OPHN1: variants seen among roughly 807,000 people sequenced by gnomAD.
OPHN1 encodes the protein oligophrenin 1, also known as oligophrenin-1.
Under a neutral mutation model 60.7 loss-of-function variants are expected in OPHN1, and 11 were observed. That is an observed-to-expected ratio of 0.18 (90% CI 0.11 to 0.30). The LOEUF (loss-of-function observed/expected upper bound fraction) is 0.30, where lower values mean the gene tolerates loss of function less well. Ranked by LOEUF, OPHN1 falls within the 10% of genes least tolerant of loss-of-function variation. OPHN1 has a pLI of 1.00. For synonymous variants in OPHN1, 226 were observed against 222.6 expected (o/e 1.02, Z -0.14); for missense variants, 449 against 611.0 (o/e 0.73, Z 2.80).
intron 2 of OPHN1, among the ~76,000 whole-genome samples, chrX:68,353,979 C>T (rs1404907352): frequency 1.8e-5 from 2 of 111,851 alleles, no homozygotes; most frequent in Non-Finnish European, 3.8e-5. Flanking sequence ...ATGCTGAAAT[C>T]GAAAAAGTTA....
intron 15 of OPHN1, among the ~76,000 whole-genome samples, chrX:68,167,522 T>C (rs2077364219): frequency 1.8e-5 from 2 of 110,257 alleles, no homozygotes; most frequent in Non-Finnish European, 3.8e-5. Flanking sequence ...TATATGTGTG[T>C]GTGTGTGTGT....
intron 19 of OPHN1, among the ~76,000 whole-genome samples, chrX:68,081,028 C>T (rs2076972345): frequency 9.0e-6 from 1 of 111,117 alleles, no homozygotes; most frequent in Admixed American, 9.6e-5. Flanking sequence ...GTTCCAGATA[C>T]CCCCAAGTCC....
intron 20 of OPHN1, 111 bp downstream of exon 20, chrX:68,073,041 A>G (rs2076940421): frequency 3.3e-6 from 3 of 899,451 alleles, no homozygotes; most frequent in Non-Finnish European, 3.2e-6. Context: ...AGGAGCCAGG[A>G]AAGGTCTACT....
chrX:68,065,192 A>C (rs1365587601), intron 20 of OPHN1, among the ~76,000 whole-genome samples: 1 of 111,556 alleles, frequency 9.0e-6, no homozygotes, highest in Non-Finnish European at 1.9e-5. Flanking sequence ...GAAACCTGAG[A>C]TATATATCAA....
chrX:68,129,495 C>T (rs1175635362), intron 15 of OPHN1, among the ~76,000 whole-genome samples: 1 of 111,871 alleles, frequency 8.9e-6, no homozygotes, highest in Non-Finnish European at 1.9e-5. Context: ...TGTGGAATTA[C>T]TGTCTAAATA....
At position 68,099,978 on chromosome X, in the gene OPHN1, T is replaced by C. The variant is rs376665883; in HGVS notation, c.1527-2949A>G. 5.4e-5 allele frequency among the ~76,000 whole-genome samples: 6 copies of C among 111,555 alleles called. No homozygotes were observed. In the East Asian group the frequency reaches 1.1e-3, roughly 21 times the overall value. On this transcript the variant is annotated intron_variant, in intron 18 of 24. Transcript: ENST00000355520. ...TAAGAACTGTGTGCCCTCTGACTCC[T>C]AAACAAGGAAGCTACCTTCAATATT...
At chrX:68,286,052 C>T (rs2078039774) in intron 3 of OPHN1, among the ~76,000 whole-genome samples, 1 of 110,814 alleles carries the variant, frequency 9.0e-6, no homozygotes, top group Non-Finnish European at 1.9e-5. Context: ...CTATTAATTG[C>T]TTTTTTTCCC....
At position 68,047,010 on chromosome X, in the gene OPHN1, C is replaced by G. The variant is rs982694027; in HGVS notation, c.*162G>C. On this transcript the variant is annotated 3_prime_UTR_variant, in exon 25 of 25. Transcript: ENST00000355520. The stretch of plus-strand genomic sequence containing the variant: ...TATAAACACCTGTCTAGGACATATG[C>G]TCCTTATTTTATGGCCTCCCAGAGA... 9.0e-6 allele frequency: 1 copy of G among 111,642 alleles called. No homozygotes were observed. Among genetic ancestry groups the G allele is most frequent in the African/African-American group, 3.3e-5 (1 of 30,669 alleles). The allele number at this position is 111,642 out of a possible 1,213,427, so 9.2% of individuals were successfully genotyped here.
intron 4 of OPHN1, among the ~76,000 whole-genome samples, chrX:68,282,456 T>C (rs1232041494): frequency 1.8e-5 from 2 of 111,881 alleles, no homozygotes; most frequent in African/African-American, 3.2e-5. Context: ...CTATTCTGTA[T>C]GGTGACACTG....
At chrX:68,083,496 G>C (rs1299753808) in intron 19 of OPHN1, among the ~76,000 whole-genome samples, 1 of 112,130 alleles carries the variant, frequency 8.9e-6, no homozygotes, top group Non-Finnish European at 1.9e-5. Context: ...TGGCTGGTTT[G>C]ATTTTCTATC....
intron 4 of OPHN1, among the ~76,000 whole-genome samples, chrX:68,280,528 C>T (rs2078014740): frequency 9.0e-6 from 1 of 111,382 alleles, no homozygotes; most frequent in African/African-American, 3.3e-5. Flanking sequence ...AAGTCAGTAC[C>T]ACACTGTTGA....
At position 68,393,885 on chromosome X, in the gene OPHN1, G is replaced by GCTTTTT. The variant is rs2078666953; in HGVS notation, c.154+38981_154+38982insAAAAAG. Among the ~76,000 whole-genome samples the GCTTTTT allele has an allele frequency of 1.2e-4, 4 of 34,600 alleles. No individual in the cohort carries two copies. The East Asian group carries it at 4.8e-3, about 41-fold the overall frequency. 30.0% of individuals were successfully genotyped at this position (34,600 alleles called of 115,157 possible). A position where few individuals can be genotyped will look rare whatever the true frequency, so the allele number is the denominator to read the frequency against. ...CTATCAAGGTGATCCAATAGACTTTGTTTTTTTTTTTTTTTTTTTTTTTTT... is the reference window on the plus strand; with the variant it reads ...CTATCAAGGTGATCCAATAGACTTTGCTTTTTTTTTTTTTTTTTTTTTTTTTTTTTT... On this transcript the variant is annotated intron_variant, in intron 2 of 24. Transcript: ENST00000355520.
intron 2 of OPHN1, among the ~76,000 whole-genome samples, chrX:68,335,082 C>T (rs180843631): frequency 9.8e-4 from 107 of 109,300 alleles, no homozygotes; most frequent in Middle Eastern, 9.2e-3. Context: ...CTACATGCTT[C>T]GCAGTTTACA....
rs61099307 is a variant in OPHN1 at position 68,159,997 on chromosome X, TA to T, written c.1276+32921del. On this transcript the variant is annotated intron_variant, in intron 15 of 24. Transcript: ENST00000355520. ...GGCACATATTTTCAGACTGGAAAAT[TA>T]AAAAAAAAAACAAGATCCAGTTGTA... 2.6e-3 allele frequency among the ~76,000 whole-genome samples: 264 copies of T among 101,767 alleles called. 1 individual carries two copies. Among genetic ancestry groups the T allele is most frequent in the African/African-American group, 7.5e-3 (211 of 28,187 alleles). The allele number at this position is 101,767 out of a possible 115,157, so 88.4% of individuals were successfully genotyped here. A position where few individuals can be genotyped will look rare whatever the true frequency, so the allele number is the denominator to read the frequency against.
intron 2 of OPHN1, among the ~76,000 whole-genome samples, chrX:68,341,596 G>A (rs1367658537): frequency 1.8e-5 from 2 of 111,908 alleles, no homozygotes; most frequent in African/African-American, 3.2e-5. Context: ...CACTTTGGGA[G>A]GACAAGGTGG....
intron 2 of OPHN1, among the ~76,000 whole-genome samples, chrX:68,362,951 G>T (rs182845745): frequency 9.0e-6 from 1 of 111,093 alleles, no homozygotes; most frequent in African/African-American, 3.3e-5. Context: ...AAACTGCTTT[G>T]AAAAATAGAA....
intron 15 of OPHN1, among the ~76,000 whole-genome samples, chrX:68,141,904 TAAAG>T (rs199937682): frequency 0.087 from 7,794 of 90,035 alleles, 337 homozygotes; most frequent in Middle Eastern, 0.12. Context: ...TGATGTTAAT[TAAAG>T]AAAGAAAGAA....
At chrX:68,097,148 T>A in intron 18 of OPHN1, 119 bp from the exon 19 acceptor site, 1 of 607,418 alleles carries the variant, frequency 1.6e-6, no homozygotes, top group Non-Finnish European at 2.5e-6. Context: ...AAGGAGCACC[T>A]AAAGTATGTA....
intron 5 of OPHN1, among the ~76,000 whole-genome samples, chrX:68,241,878 G>A (rs1216333178): frequency 9.0e-5 from 10 of 111,092 alleles, no homozygotes; most frequent in Admixed American, 9.6e-5. Context: ...CCGAGATCGC[G>A]TCATTGCACT....
Sources: gnomAD v4.1 joint callset for allele counts (sites outside exome capture counted in the v4.1 genomes callset) on GRCh38, gnomAD v4.1.1 for gene constraint, MANE v1.5 for transcripts, NCBI Gene and HGNC (gene_info 2026-07-23, HGNC 2026-07-21) for gene names.